ATP10A: variants seen among roughly 807,000 people sequenced by gnomAD.
ATP10A encodes phospholipid-transporting ATPase VA.
ATP10A carries 111 observed loss-of-function variants against 147.8 expected under a neutral mutation model. That is an observed-to-expected ratio of 0.75 (90% CI 0.64 to 0.88). The LOEUF (loss-of-function observed/expected upper bound fraction) is 0.88, where lower values mean the gene tolerates loss of function less well. ATP10A is among the 40% of genes least tolerant of loss of function. ATP10A has a pLI of 0.00. For synonymous variants in ATP10A, 875 were observed against 841.6 expected, an observed-to-expected ratio of 1.04 and a Z score of -0.69; for missense variants, 1,927 against 1,959.0, an observed-to-expected ratio of 0.98 and a Z score of 0.31.
intron 1 of ATP10A, among the ~76,000 whole-genome samples, chr15:25,840,999 T>C (rs763746760): frequency 2.6e-5 from 4 of 152,182 alleles, no homozygotes; most frequent in Non-Finnish European, 4.4e-5. Context: ...ATTGTTTTGT[T>C]AATGTTCAAT....
Position 25,716,900 on chromosome 15 carries a change from T to C in ATP10A, c.1606A>G (p.Lys536Glu), listed in dbSNP as rs115409994. 36 of 1,595,130 alleles carry C rather than the reference T, an allele frequency of 2.3e-5. No homozygotes were observed. The East Asian group carries it at 7.7e-4, about 34-fold the overall frequency. Residue 536 changes from lysine to glutamate, a missense_variant, in exon 9 of 21, where the codon AAG (lysine) becomes GAG (glutamate). By Grantham distance (56) the Lys-to-Glu change is moderately conservative. Transcript: ENST00000555815. ...PMEKDITPDP[K>E]LLEKVSECDK... Reference sequence around the variant, plus strand: ...CACTCACTCACCTTCTCCAGCAGCTTTGGGTCGGGCGTGATATCCTTCTCC... The same window carrying C: ...CACTCACTCACCTTCTCCAGCAGCTCTGGGTCGGGCGTGATATCCTTCTCC...
intron 13 of ATP10A, among the ~76,000 whole-genome samples, chr15:25,701,445 G>A (rs1476449807): frequency 6.6e-6 from 1 of 152,200 alleles, no homozygotes; most frequent in Non-Finnish European, 1.5e-5. Context: ...GGCGCAAGAA[G>A]TTTTGAGTGG....
intron 1 of ATP10A, among the ~76,000 whole-genome samples, chr15:25,837,543 T>TGCAGG (rs1417505595): frequency 2.0e-5 from 3 of 152,212 alleles, no homozygotes; most frequent in African/African-American, 7.2e-5. Flanking sequence ...GTTTCAAGGC[T>TGCAGG]GCAGGACGCA....
chr15:25,853,501 C>A (rs1159006636), intron 1 of ATP10A, among the ~76,000 whole-genome samples: 1 of 152,222 alleles, frequency 6.6e-6, no homozygotes, highest in African/African-American at 2.4e-5. Context: ...GGGGCAGGAC[C>A]TTCCTGGGCA....
chr15:25,778,741 T>G (rs1260774969), intron 2 of ATP10A, among the ~76,000 whole-genome samples: 1 of 152,146 alleles, frequency 6.6e-6, no homozygotes, highest in Non-Finnish European at 1.5e-5. Context: ...ATCTAACTTG[T>G]AAGCAGCTCA....
rs533525377 is a variant in ATP10A, at chr15:25,774,994, GA to G, written c.654+6024del. On this transcript the variant is annotated intron_variant, in intron 2 of 20. Coordinates refer to ENST00000555815, the MANE Select transcript of ATP10A (RefSeq NM_024490.4). Reference sequence around the variant, plus strand: ...GTTGACTATCCTTGAATGTATAAGAGAAAAACATGGAAGCCTCTTTGTAAAG... The same window carrying G: ...GTTGACTATCCTTGAATGTATAAGAGAAAACATGGAAGCCTCTTTGTAAAG... 2.6e-4 allele frequency among the ~76,000 whole-genome samples: 40 copies of G among 152,232 alleles called. No homozygotes were observed. The East Asian group carries it at 7.3e-3, about 28-fold the overall frequency.
At chr15:25,845,444 T>A (rs1490278959) in intron 1 of ATP10A, among the ~76,000 whole-genome samples, 1 of 152,108 alleles carries the variant, frequency 6.6e-6, no homozygotes, top group Non-Finnish European at 1.5e-5. Context: ...GGAACTGTTT[T>A]GCATACTCTG....
intron 10 of ATP10A, 60 bp from the exon 11 acceptor site, chr15:25,708,360 G>C (rs1901178868): frequency 6.9e-7 from 1 of 1,448,212 alleles, no homozygotes; most frequent in South Asian, 1.1e-5. Flanking sequence ...ATGGTCTTCA[G>C]ACACTCCGAG....
chr15:25,676,858 A>G (rs1899147895), downstream of ATP10A, among the ~76,000 whole-genome samples: 1 of 152,118 alleles, frequency 6.6e-6, no homozygotes, highest in South Asian at 2.1e-4. Flanking sequence ...TATTAGCCAG[A>G]GATTACAGAA....
chr15:25,700,929 TA>T (rs36021930), intron 13 of ATP10A, among the ~76,000 whole-genome samples: 16,910 of 143,458 alleles, frequency 0.12, 1,053 homozygotes, highest in South Asian at 0.26. Context: ...AGAGGTCACT[TA>T]AAAAAAAAAA....
intron 2 of ATP10A, among the ~76,000 whole-genome samples, chr15:25,739,332 C>T (rs1887458717): frequency 1.3e-5 from 2 of 152,188 alleles, no homozygotes; most frequent in African/African-American, 4.8e-5. Context: ...CATAGATACC[C>T]TCTTTCCATC....
intron 1 of ATP10A, among the ~76,000 whole-genome samples, chr15:25,794,612 C>G (rs1890579148): frequency 6.6e-6 from 1 of 152,190 alleles, no homozygotes; most frequent in Admixed American, 6.5e-5. Context: ...CCTAAGACAC[C>G]TTTGTGAATC....
Position 25,701,935 on chromosome 15 carries a change from G to T in ATP10A, c.2741C>A (p.Thr914Asn), listed in dbSNP as rs145119183. 6.2e-7 allele frequency: 1 copy of T among 1,609,854 alleles called. No individual in the cohort carries two copies. Among genetic ancestry groups the T allele is most frequent in the South Asian group, 1.1e-5 (1 of 90,430 alleles). The change falls in exon 13 of 21, where the codon ACC becomes AAC. Residue 914 changes from threonine to asparagine, a missense_variant. Transcript: ENST00000555815. ...ACCTACCTGGGAGGTGGCATTCAGG[G>T]TGATGACCTCCTCGTCGTGGTCCAG... ...KLLDHDEEVI[T>N]LNATSQEACA...
At chr15:25,704,522 A>C (rs1309729682) in intron 12 of ATP10A, among the ~76,000 whole-genome samples, 1 of 152,234 alleles carries the variant, frequency 6.6e-6, no homozygotes, top group African/African-American at 2.4e-5. Context: ...GCTGTTTCAC[A>C]GGGAAAAGTT....
chr15:25,824,742 A>G (rs1190852404), intron 1 of ATP10A, among the ~76,000 whole-genome samples: 1 of 152,190 alleles, frequency 6.6e-6, no homozygotes, highest in African/African-American at 2.4e-5. Context: ...ATCAAATATT[A>G]GCAACAATCC....
chr15:25,738,674 C>A (rs1887419977), intron 2 of ATP10A: 1 of 152,160 alleles, frequency 6.6e-6, no homozygotes, highest in Non-Finnish European at 1.5e-5. Flanking sequence ...TGAACATAGA[C>A]CAGAAATCTG....
intron 1 of ATP10A, among the ~76,000 whole-genome samples, chr15:25,799,626 C>T (rs796667834): frequency 3.7e-4 from 57 of 152,206 alleles, no homozygotes; most frequent in African/African-American, 1.3e-3. Flanking sequence ...CCCAGCTACT[C>T]GGGAGGCTGA....
chr15:25,797,829 T>G (rs1220066726), intron 1 of ATP10A, among the ~76,000 whole-genome samples: 9 of 152,058 alleles, frequency 5.9e-5, no homozygotes, highest in Admixed American at 4.6e-4. Flanking sequence ...ACCCTCCACG[T>G]GCCAGCACAG....
At position 25,708,047 on chromosome 15, in the gene ATP10A, G is replaced by A. The variant is rs991916891; in HGVS notation, c.2504C>T (p.Ser835Phe). The stretch of plus-strand genomic sequence containing the variant: ...GAGCTCCTCGCTGTTTTCCAGGGAG[G>A]ATTCGGCTTCTAGGTGGCTTTGCAA... ...CWLQSHLEAE[S>F]SLENSEELLF... is the part of the protein sequence containing the mutation. The change falls in exon 12 of 21, where the codon TCC becomes TTC. Residue 835 changes from serine to phenylalanine, a missense_variant. Ser to Phe is a radical substitution (Grantham distance 155). Transcript: ENST00000555815. The A allele has an allele frequency of 6.2e-7, 1 of 1,614,056 alleles. No homozygotes were observed. The highest frequency in any genetic ancestry group is 1.3e-5 in the African/African-American group (1 of 74,938).
Sources: gnomAD v4.1 joint callset for allele counts (sites outside exome capture counted in the v4.1 genomes callset) on GRCh38, gnomAD v4.1.1 for gene constraint, MANE v1.5 for transcripts, NCBI Gene and HGNC (gene_info 2026-07-23, HGNC 2026-07-21) for gene names.